SGCD: variants seen among roughly 807,000 people sequenced by gnomAD.
The protein encoded by SGCD is sarcoglycan delta.
In SGCD, 18 loss-of-function variants were observed where a neutral mutation model predicts 36.6. The observed-to-expected ratio is 0.49, with a 90% CI of 0.34 to 0.73. The LOEUF is 0.73. Ranked by LOEUF, SGCD falls within the 30% of genes least tolerant of loss-of-function variation. SGCD has a pLI of 0.01. For missense variants in SGCD, 387 were observed against 346.7 expected (o/e 1.12, Z -0.92); for synonymous variants, 133 against 130.6 (o/e 1.02, Z -0.12).
intron 1 of SGCD, among the ~76,000 whole-genome samples, chr5:156,094,865 G>A (rs989280755): frequency 6.6e-6 from 1 of 152,154 alleles, no homozygotes; most frequent in Non-Finnish European, 1.5e-5. Context: ...GCTGGGCGTG[G>A]TGGCACATGC....
rs1167352814 is a variant in SGCD at position 156,398,661 on chromosome 5, C to G, written c.192+53984C>G. Among the ~76,000 whole-genome samples, 4 of 152,194 alleles carry G rather than the reference C, an allele frequency of 2.6e-5. No individual in the cohort carries two copies. In the South Asian group the frequency reaches 6.2e-4, roughly 24 times the overall value. On this transcript the variant is annotated intron_variant, in intron 3 of 8. Coordinates refer to ENST00000337851, the MANE Select transcript of SGCD (RefSeq NM_000337.6). ...TGTGACCAAGTGCATAGTTCTCACTCATGTAATATAAATGGAAATAATACA... is the reference window on the plus strand; with the variant it reads ...TGTGACCAAGTGCATAGTTCTCACTGATGTAATATAAATGGAAATAATACA...
chr5:156,218,251 C>G (rs948365799), intron 3 of SGCD, among the ~76,000 whole-genome samples: 1 of 151,678 alleles, frequency 6.6e-6, no homozygotes, highest in Non-Finnish European at 1.5e-5. Context: ...GACTCCATCT[C>G]AAAGATTAAA....
chr5:156,724,616 A>G (rs1001552318), intron 7 of SGCD, among the ~76,000 whole-genome samples: 3 of 152,162 alleles, frequency 2.0e-5, no homozygotes, highest in East Asian at 1.9e-4. Flanking sequence ...CCAAAAAAAA[A>G]AAAGAAAGAA....
intron 3 of SGCD, among the ~76,000 whole-genome samples, chr5:156,427,432 C>A (rs190631429): frequency 1.6e-4 from 24 of 151,960 alleles, no homozygotes; most frequent in Middle Eastern, 3.4e-3. Flanking sequence ...GATCTAGGAG[C>A]TTTTTGAGTG....
At chr5:156,401,894 A>G (rs1178189204) in intron 3 of SGCD, among the ~76,000 whole-genome samples, 2 of 152,098 alleles carry the variant, frequency 1.3e-5, no homozygotes, top group Non-Finnish European at 2.9e-5. Context: ...CTTTTTCATC[A>G]TCTCAAGCTG....
rs542184407 is a variant in SGCD, at chr5:156,636,671, T to C, written c.503-10793T>C. On this transcript the variant is annotated intron_variant, in intron 6 of 8. Transcript: ENST00000337851. ...AAAAGTACTTTCTGGCTGAGAACAC[T>C]GTAAGCAAAGGCAAGGACATGGGAA... is the stretch of plus-strand genomic sequence containing the variant. Among the ~76,000 whole-genome samples, 21 of 152,256 alleles carry C rather than the reference T, an allele frequency of 1.4e-4. 1 individual carries two copies. Among genetic ancestry groups the C allele is most frequent in the African/African-American group, 5.1e-4 (21 of 41,574 alleles).
chr5:156,205,370 C>T (rs571553535), intron 3 of SGCD, among the ~76,000 whole-genome samples: 19 of 152,044 alleles, frequency 1.2e-4, no homozygotes, highest in South Asian at 2.1e-4. Flanking sequence ...TGAAGAATTA[C>T]GAGACACAAT....
chr5:155,974,339 A>G (rs1758065671), intron 1 of SGCD, among the ~76,000 whole-genome samples: 1 of 152,102 alleles, frequency 6.6e-6, no homozygotes, highest in Admixed American at 6.5e-5. Flanking sequence ...TTGTAAGGCA[A>G]CAAGAAGTTC....
At chr5:155,800,559 C>A in the SGCD span, among the ~76,000 whole-genome samples, 1 of 149,482 alleles carries the variant, frequency 6.7e-6, no homozygotes, top group South Asian at 2.2e-4. Context: ...TGAAGGTAAA[C>A]TTGTTCTTTT....
At chr5:156,721,698 G>A (rs1755512499) in intron 7 of SGCD, among the ~76,000 whole-genome samples, 1 of 152,184 alleles carries the variant, frequency 6.6e-6, no homozygotes, top group African/African-American at 2.4e-5. Flanking sequence ...AAGATGGTAT[G>A]CTCAAGTGGG....
At chr5:156,488,281 A>G (rs1027199340) in intron 3 of SGCD, among the ~76,000 whole-genome samples, 11 of 151,972 alleles carry the variant, frequency 7.2e-5, no homozygotes, top group Admixed American at 1.3e-4. Flanking sequence ...AAGCTTTTCA[A>G]TTTTTACAAA....
intron 7 of SGCD, among the ~76,000 whole-genome samples, chr5:156,667,735 T>A (rs2113648162): frequency 6.6e-6 from 1 of 152,306 alleles, no homozygotes; most frequent in Middle Eastern, 3.4e-3. Context: ...TCCTAATGCC[T>A]AGAACACAGG....
Position 156,122,569 on chromosome 5 carries a change from G to A in SGCD, c.-207-1287G>A, listed in dbSNP as rs540407697. Among the ~76,000 whole-genome samples, 5 of 152,122 alleles carry A rather than the reference G, an allele frequency of 3.3e-5. No homozygotes were observed. In the South Asian group the frequency reaches 1.0e-3, roughly 32 times the overall value. On this transcript the variant is annotated intron_variant, in intron 2 of 9. Transcript: ENST00000517913. ...TAATAGAATCAGAGGTGTGTTAGAG[G>A]AGCAGCATGGCTAGAGAGGAATAAA...
At chr5:156,557,777 G>A (rs1759086593) in intron 4 of SGCD, among the ~76,000 whole-genome samples, 1 of 151,970 alleles carries the variant, frequency 6.6e-6, no homozygotes, top group African/African-American at 2.4e-5. Flanking sequence ...TCATCAAGCT[G>A]TACATAGTAT....
At chr5:156,671,385 G>A (rs113360727) in intron 7 of SGCD, among the ~76,000 whole-genome samples, 101 of 150,298 alleles carry the variant, frequency 6.7e-4, no homozygotes, top group African/African-American at 1.8e-3. Context: ...TGATTCTCCC[G>A]CCTCAGCCTC....
intron 1 of SGCD, among the ~76,000 whole-genome samples, chr5:156,020,507 T>A (rs1234684908): frequency 2.6e-5 from 2 of 77,634 alleles, no homozygotes; most frequent in Admixed American, 2.3e-4. Context: ...TTGTCCCTAG[T>A]TTTTTTTTAA....
At chr5:156,197,800 TA>T (rs1219815935) in intron 3 of SGCD, among the ~76,000 whole-genome samples, 1 of 152,140 alleles carries the variant, frequency 6.6e-6, no homozygotes, top group Admixed American at 6.6e-5. Flanking sequence ...TATTGTCAAT[TA>T]AAAATATGTT....
At chr5:156,406,015 G>A (rs1490637925) in intron 3 of SGCD, among the ~76,000 whole-genome samples, 1 of 18,074 alleles carries the variant, frequency 5.5e-5, no homozygotes, top group African/African-American at 8.0e-4. Flanking sequence ...CCCTATCTTT[G>A]CTTAAAAAAA....
chr5:156,355,320 C>G (rs1440492896), intron 3 of SGCD, among the ~76,000 whole-genome samples: 1 of 152,012 alleles, frequency 6.6e-6, no homozygotes, highest in African/African-American at 2.4e-5. Flanking sequence ...CAAACCAAAA[C>G]CATTTTAATA....
Sources: gnomAD v4.1 joint callset for allele counts (sites outside exome capture counted in the v4.1 genomes callset) on GRCh38, gnomAD v4.1.1 for gene constraint, MANE v1.5 for transcripts, NCBI Gene and HGNC (gene_info 2026-07-23, HGNC 2026-07-21) for gene names.